PRKCZ: variants seen among roughly 807,000 people sequenced by gnomAD.
The protein encoded by PRKCZ is protein kinase C zeta type.
PRKCZ carries 33 observed loss-of-function variants against 79.5 expected under a neutral mutation model. That is an observed-to-expected ratio of 0.41 (90% confidence interval 0.31 to 0.55). The LOEUF is 0.55. PRKCZ is among the 20% of genes least tolerant of loss of function. The pLI, the probability that PRKCZ is intolerant of heterozygous loss-of-function variation, is 0.19. For missense variants in PRKCZ, 578 were observed against 813.5 expected (o/e 0.71, Z 3.52); for synonymous variants, 342 against 320.9 (o/e 1.07, Z -0.70).
chr1:2,060,821 C>CGG (rs1305058777), intron 4 of PRKCZ, among the ~76,000 whole-genome samples: 1 of 152,074 alleles, frequency 6.6e-6, no homozygotes, highest in Non-Finnish European at 1.5e-5. Flanking sequence ...AGGCAGGGGG[C>CGG]GGGGAGGCTT....
chr1:2,131,241 G>T (rs1478324737), intron 4 of PRKCZ, among the ~76,000 whole-genome samples: 1 of 152,232 alleles, frequency 6.6e-6, no homozygotes, highest in Non-Finnish European at 1.5e-5. Flanking sequence ...CCGTGAGCAG[G>T]CAGGGATGCC....
In PRKCZ at chr1:2,174,913, C is replaced by T. The variant is rs1162216956; in HGVS notation, c.1485+80C>T. On this transcript the variant is annotated intron_variant, in intron 15 of 17. Transcript: ENST00000378567. This position sits in a 1 kb window ranked among gnomAD's most constrained non-coding sequence, Gnocchi z 6.2. ...CAGAGGGCCAGGCACGGCTGTTGGC[C>T]ATTTTTTCATGTCGGCTGCTGTGTA... 7.1e-7 allele frequency: 1 copy of T among 1,416,200 alleles called. No individual in the cohort carries two copies. The highest frequency in any genetic ancestry group is 1.2e-5 in the South Asian group (1 of 85,934). 87.7% of individuals were successfully genotyped at this position (1,416,200 alleles called of 1,614,324 possible).
intron 4 of PRKCZ, among the ~76,000 whole-genome samples, chr1:2,079,319 G>A (rs1663039377): frequency 2.0e-5 from 3 of 152,246 alleles, no homozygotes; most frequent in African/African-American, 7.2e-5. Flanking sequence ...AATCTTCTCA[G>A]TTCCTTGTGG....
intron 3 of PRKCZ, among the ~76,000 whole-genome samples, chr1:2,057,120 G>A (rs143616316): frequency 1.3e-5 from 2 of 152,318 alleles, no homozygotes; most frequent in Non-Finnish European, 2.9e-5. Context: ...CGTAGGGCCC[G>A]CGGCGCATGT....
chr1:2,099,506 T>TGGGCG (rs1667094818), intron 4 of PRKCZ, among the ~76,000 whole-genome samples: 1 of 71,270 alleles, frequency 1.4e-5, no homozygotes, highest in African/African-American at 5.5e-5. Flanking sequence ...TCAGAAGCAG[T>TGGGCG]GGGCGGGGCG....
Position 2,149,020 on chromosome 1 carries a change from A to G in PRKCZ, c.687+96A>G. On this transcript the variant is annotated intron_variant, in intron 8 of 17. Coordinates refer to ENST00000378567, the MANE Select transcript of PRKCZ (RefSeq NM_002744.6). This position sits in a 1 kb window ranked among gnomAD's most constrained non-coding sequence, Gnocchi z 4.1. ...AGTCACGGAAATCTAGATGTGAAAT[A>G]GACATGGTCCGGGGTGTTGCTAACT... 1 of 1,367,064 alleles carries G rather than the reference A, an allele frequency of 7.3e-7. No homozygotes were observed. Among genetic ancestry groups the G allele is most frequent in the Non-Finnish European group, 1.0e-6 (1 of 962,974 alleles). The allele number at this position is 1,367,064 out of a possible 1,614,324, so 84.7% of individuals were successfully genotyped here.
chr1:2,161,542 TGTG>T (rs1397874468), intron 10 of PRKCZ, among the ~76,000 whole-genome samples: 1 of 152,194 alleles, frequency 6.6e-6, no homozygotes, highest in African/African-American at 2.4e-5. Context: ...TGTTTCCTGA[TGTG>T]GTGTCACAGG....
At chr1:2,170,093 T>TG (rs1210087761) in intron 11 of PRKCZ, among the ~76,000 whole-genome samples, 1 of 152,174 alleles carries the variant, frequency 6.6e-6, no homozygotes, top group African/African-American at 2.4e-5. Context: ...GGCTCTGCCC[T>TG]GGTTCTGCTC....
chr1:2,137,852 C>G (rs1005948462), intron 5 of PRKCZ, among the ~76,000 whole-genome samples: 1 of 152,202 alleles, frequency 6.6e-6, no homozygotes, highest in Non-Finnish European at 1.5e-5. Flanking sequence ...CCCACCACAG[C>G]CCCGCTCTGC....
chr1:2,158,442 C>T (rs1681548044), intron 10 of PRKCZ, among the ~76,000 whole-genome samples: 1 of 152,380 alleles, frequency 6.6e-6, no homozygotes, highest in Admixed American at 6.5e-5. Context: ...GCACCGCCTG[C>T]GCCTGACGGC....
At chr1:2,141,330 T>G (rs1369997483) in intron 5 of PRKCZ, 1 of 144,230 alleles carries the variant, frequency 6.9e-6, no homozygotes, top group Non-Finnish European at 1.5e-5. Flanking sequence ...TGTTTGTTTG[T>G]TTGTTTTTCT....
intron 4 of PRKCZ, among the ~76,000 whole-genome samples, chr1:2,106,344 C>T (rs1458641196): frequency 6.6e-6 from 1 of 152,246 alleles, no homozygotes; most frequent in South Asian, 2.1e-4. Context: ...AGGCCTCGTG[C>T]ACACCCTGCC....
chr1:2,071,060 G>C (rs187069548), intron 4 of PRKCZ, among the ~76,000 whole-genome samples: 1 of 151,284 alleles, frequency 6.6e-6, no homozygotes, highest in South Asian at 2.1e-4. Context: ...ACACCTGGGC[G>C]TGCGACCTGG....
At chr1:2,147,532 A>G (rs1486066259) in intron 7 of PRKCZ, among the ~76,000 whole-genome samples, 1 of 150,136 alleles carries the variant, frequency 6.7e-6, no homozygotes, top group East Asian at 2.0e-4. Flanking sequence ...TCTGTTGTCC[A>G]CTGACCTCTC....
chr1:2,141,253 G>C (rs1439045502), intron 5 of PRKCZ: 2 of 152,154 alleles, frequency 1.3e-5, no homozygotes, highest in Non-Finnish European at 2.9e-5. Context: ...CTTGTCAGCA[G>C]ATGTCCTGGC....
intron 5 of PRKCZ, 172 bp from the exon 6 acceptor site, chr1:2,144,038 G>A (rs1677960860): frequency 1.1e-6 from 1 of 874,466 alleles, no homozygotes; most frequent in Non-Finnish European, 1.7e-6. Flanking sequence ...GACCCAAGAG[G>A]AGGCTCTCAA....
At chr1:2,089,092 C>T (rs78487298) in intron 4 of PRKCZ, among the ~76,000 whole-genome samples, 1,563 of 152,284 alleles carry the variant, frequency 0.01, 27 homozygotes, top group African/African-American at 0.036. Flanking sequence ...AGTTCTGTTC[C>T]GGGCTCATCG....
intron 4 of PRKCZ, among the ~76,000 whole-genome samples, chr1:2,086,181 C>T (rs1664490072): frequency 6.6e-6 from 1 of 151,980 alleles, no homozygotes; most frequent in Non-Finnish European, 1.5e-5. Flanking sequence ...CCCACCTCAG[C>T]CTCCCAAGTA....
At chr1:2,104,160 C>T (rs1001068585) in intron 4 of PRKCZ, among the ~76,000 whole-genome samples, 2 of 152,084 alleles carry the variant, frequency 1.3e-5, no homozygotes, top group African/African-American at 4.8e-5. Flanking sequence ...TGGGGCAAGG[C>T]GGGGTGAGCA....
Sources: allele counts gnomAD v4.1 joint callset (sites outside exome capture counted in the v4.1 genomes callset), GRCh38; gene constraint gnomAD v4.1.1; non-coding constraint Gnocchi (gnomAD v3.1); transcripts MANE v1.5; gene names NCBI Gene and HGNC (gene_info 2026-07-23, HGNC 2026-07-21).